The following ARHGAP12 variants were observed in gnomAD, a reference collection of about 807,000 sequenced individuals.
ARHGAP12 encodes rho GTPase-activating protein 12.
Under a neutral mutation model 108.6 loss-of-function variants are expected in ARHGAP12, and 64 were observed. That is an observed-to-expected ratio of 0.59 (90% CI 0.48 to 0.73). The LOEUF (loss-of-function observed/expected upper bound fraction) is 0.73, where lower values mean the gene tolerates loss of function less well. Among genes scored for constraint, ARHGAP12 ranks in the 30% least tolerant of loss-of-function variants. The pLI, the probability that ARHGAP12 is intolerant of heterozygous loss-of-function variation, is 0.00. For synonymous variants in ARHGAP12, 312 were observed against 337.2 expected, an observed-to-expected ratio of 0.93 and a Z score of 0.82; for missense variants, 940 against 1,005.9, an observed-to-expected ratio of 0.93 and a Z score of 0.89.
At chr10:31,906,637 T>C (rs187007679) in intron 3 of ARHGAP12, among the ~76,000 whole-genome samples, 34 of 152,278 alleles carry the variant, frequency 2.2e-4, no homozygotes, top group African/African-American at 8.2e-4. Context: ...CTGAAACAGC[T>C]GCCATGGAGA....
At chr10:31,875,054 G>T (rs1251454457) in intron 3 of ARHGAP12, among the ~76,000 whole-genome samples, 2 of 147,184 alleles carry the variant, frequency 1.4e-5, no homozygotes, top group Non-Finnish European at 3.0e-5. Flanking sequence ...AAGACCATAT[G>T]TAAGTTTCTG....
intron 3 of ARHGAP12, among the ~76,000 whole-genome samples, chr10:31,869,858 T>C (rs893071116): frequency 6.6e-6 from 1 of 152,236 alleles, no homozygotes; most frequent in African/African-American, 2.4e-5. Context: ...CTTTTTACTT[T>C]TGACATTAGT....
intron 3 of ARHGAP12, among the ~76,000 whole-genome samples, chr10:31,875,280 A>T (rs1837688493): frequency 6.6e-6 from 1 of 152,204 alleles, no homozygotes; most frequent in Non-Finnish European, 1.5e-5. Context: ...AGCACAGAAC[A>T]CTTATGATAC....
chr10:31,913,632 TGC>T, intron 1 of ARHGAP12: 1 of 111,076 alleles, frequency 9.0e-6, no homozygotes, highest in Non-Finnish European at 1.8e-5. Flanking sequence ...AGCCTGATGC[TGC>T]AAAAAAAAAA....
intron 3 of ARHGAP12, among the ~76,000 whole-genome samples, chr10:31,882,527 A>C (rs1255534524): frequency 6.6e-6 from 1 of 152,206 alleles, no homozygotes; most frequent in Non-Finnish European, 1.5e-5. Flanking sequence ...TTAAGAGTAG[A>C]AACTAGGCTG....
chr10:31,827,817 A>T (rs2132190844), intron 10 of ARHGAP12, among the ~76,000 whole-genome samples: 1 of 152,106 alleles, frequency 6.6e-6, no homozygotes, highest in South Asian at 2.1e-4. Context: ...AAACAAAAAA[A>T]AAACCACCTC....
At chr10:31,811,480 T>A (rs1387092380) in intron 15 of ARHGAP12, among the ~76,000 whole-genome samples, 2 of 151,026 alleles carry the variant, frequency 1.3e-5, no homozygotes, top group Non-Finnish European at 1.5e-5. Flanking sequence ...ACAGTTTATA[T>A]TTCTCAGGGA....
chr10:31,876,316 G>A (rs975622365), intron 3 of ARHGAP12, among the ~76,000 whole-genome samples: 13 of 152,154 alleles, frequency 8.5e-5, no homozygotes, highest in Non-Finnish European at 1.3e-4. Flanking sequence ...TCAGGCGGTA[G>A]AGACCAGCCT....
chr10:31,889,722 G>C (rs1838341791), intron 3 of ARHGAP12, among the ~76,000 whole-genome samples: 1 of 146,580 alleles, frequency 6.8e-6, no homozygotes, highest in Non-Finnish European at 1.5e-5. Flanking sequence ...TGCCTCCTGG[G>C]TTCAAGCAAT....
chr10:31,875,237 G>C (rs1363504634), intron 3 of ARHGAP12, among the ~76,000 whole-genome samples: 4 of 152,106 alleles, frequency 2.6e-5, no homozygotes, highest in African/African-American at 9.7e-5. Context: ...ATTCTGGAAT[G>C]ATCTTTAAGA....
In ARHGAP12 at chr10:31,896,604, T is replaced by G. The variant is rs564179094; in HGVS notation, c.684+11568A>C. ...ATAAGACACACATATTAAACGAACATCAATGTGATTATGAGGGGGAAAAAA... is the reference window on the plus strand; with the variant it reads ...ATAAGACACACATATTAAACGAACAGCAATGTGATTATGAGGGGGAAAAAA... On this transcript the variant is annotated intron_variant, in intron 3 of 19. Transcript: ENST00000344936. Among the ~76,000 whole-genome samples, 19 of 152,052 alleles carry G rather than the reference T, an allele frequency of 1.2e-4. No individual in the cohort carries two copies. In the South Asian group the frequency reaches 3.7e-3, roughly 30 times the overall value.
At position 31,814,364 on chromosome 10, in the gene ARHGAP12, A is replaced by G; in HGVS notation, c.1732-3T>C. The G allele has an allele frequency of 6.2e-7, 1 of 1,603,020 alleles. No individual in the cohort carries two copies. The highest frequency in any genetic ancestry group is 2.2e-5 in the East Asian group (1 of 44,802). On this transcript the variant is annotated splice_polypyrimidine_tract_variant and splice_region_variant and intron_variant, in intron 13 of 19. Transcript: ENST00000344936. ...ATTCCTTCATCAGTTTCTACTGCCT[A>G]TTGGTTAGATATTTCCCAAACACAT...
At chr10:31,852,454 C>T in intron 6 of ARHGAP12, 63 bp downstream of exon 6, 1 of 1,228,542 alleles carries the variant, frequency 8.1e-7, no homozygotes, top group Non-Finnish European at 1.2e-6. Flanking sequence ...TCTGCTGAAA[C>T]CATCTCCAGA....
intron 1 of ARHGAP12, among the ~76,000 whole-genome samples, chr10:31,917,818 T>C (rs1332379570): frequency 6.6e-6 from 1 of 152,196 alleles, no homozygotes; most frequent in Non-Finnish European, 1.5e-5. Context: ...AAATAAACAT[T>C]GGGATATCAA....
chr10:31,805,646 CTT>C lies in ARHGAP12; in HGVS notation c.*2010_*2011del, dbSNP rs1834794740. 4 of 68,766 alleles carry C rather than the reference CTT, an allele frequency of 5.8e-5. No individual in the cohort carries two copies. Among genetic ancestry groups the C allele is most frequent in the African/African-American group, 2.3e-4 (3 of 13,196 alleles). 4.3% of individuals were successfully genotyped at this position (68,766 alleles called of 1,614,324 possible). A position where few individuals can be genotyped will look rare whatever the true frequency, so the allele number is the denominator to read the frequency against. Reference sequence around the variant, plus strand: ...CTGTAGACTAATAAAACATTTAAGACTTCACACACACACACACACACACACAC... The same window carrying C: ...CTGTAGACTAATAAAACATTTAAGACCACACACACACACACACACACACAC... On this transcript the variant is annotated 3_prime_UTR_variant, in exon 20 of 20. Transcript: ENST00000344936.
intron 3 of ARHGAP12, among the ~76,000 whole-genome samples, chr10:31,868,576 C>A (rs1391602712): frequency 1.3e-5 from 2 of 151,974 alleles, no homozygotes; most frequent in African/African-American, 2.4e-5. Flanking sequence ...TATTAAAATT[C>A]TTGGGCCACA....
intron 3 of ARHGAP12, among the ~76,000 whole-genome samples, chr10:31,877,162 T>C (rs1212601691): frequency 6.6e-6 from 1 of 152,204 alleles, no homozygotes; most frequent in African/African-American, 2.4e-5. Context: ...CATTTCCTTT[T>C]GGGACGCTGT....
intron 11 of ARHGAP12, among the ~76,000 whole-genome samples, chr10:31,823,737 C>T (rs1835499201): frequency 6.6e-6 from 1 of 152,080 alleles, no homozygotes; most frequent in African/African-American, 2.4e-5. Context: ...AAAGCTATTC[C>T]TTCTAACACC....
chr10:31,925,260 T>C (rs1455491290), intron 1 of ARHGAP12, among the ~76,000 whole-genome samples: 1 of 152,204 alleles, frequency 6.6e-6, no homozygotes, highest in Non-Finnish European at 1.5e-5. Context: ...AAACAAGCTG[T>C]AGCAGTACAA....
Sources: allele counts gnomAD v4.1 joint callset (sites outside exome capture counted in the v4.1 genomes callset), GRCh38; gene constraint gnomAD v4.1.1; transcripts MANE v1.5; gene names NCBI Gene and HGNC (gene_info 2026-07-23, HGNC 2026-07-21).